ERCC6: variants seen among roughly 807,000 people sequenced by gnomAD.
ERCC6 encodes the protein ERCC excision repair 6, chromatin remodeling factor.
Under a neutral mutation model 158.7 loss-of-function variants are expected in ERCC6, and 116 were observed. That is an observed-to-expected ratio of 0.73 (90% CI 0.63 to 0.85). The LOEUF (loss-of-function observed/expected upper bound fraction) is 0.85, where lower values mean the gene tolerates loss of function less well. ERCC6 is among the 40% of genes least tolerant of loss of function. ERCC6 has a pLI of 0.00. For synonymous variants in ERCC6, 678 were observed against 659.3 expected (o/e 1.03, Z -0.43); for missense variants, 1,698 against 1,799.4 (o/e 0.94, Z 1.02).
chr10:49,499,390 A>G (rs1321508577), intron 7 of ERCC6, among the ~76,000 whole-genome samples: 2 of 152,214 alleles, frequency 1.3e-5, no homozygotes, highest in Admixed American at 6.5e-5. Context: ...CTAAAGAAAC[A>G]TGATCTTGAC....
At chr10:49,520,614 C>T (rs1837130213) in intron 5 of ERCC6, among the ~76,000 whole-genome samples, 1 of 152,110 alleles carries the variant, frequency 6.6e-6, no homozygotes, top group African/African-American at 2.4e-5. Flanking sequence ...CTGGCAAATA[C>T]CTAGCATGAA....
At chr10:49,510,734 C>A (rs1344258855) in intron 5 of ERCC6, among the ~76,000 whole-genome samples, 1 of 152,114 alleles carries the variant, frequency 6.6e-6, no homozygotes, top group Non-Finnish European at 1.5e-5. Flanking sequence ...GAATGAAGTT[C>A]ATAATTCGGT....
chr10:49,444,122 C>T, the ERCC6 span, among the ~76,000 whole-genome samples: 4 of 152,218 alleles, frequency 2.6e-5, no homozygotes, highest in African/African-American at 7.2e-5. Flanking sequence ...AGGATTAGGT[C>T]CTCCTTCCCC....
intron 18 of ERCC6, among the ~76,000 whole-genome samples, chr10:49,465,834 T>G (rs538764050): frequency 2.2e-4 from 33 of 152,318 alleles, no homozygotes; most frequent in Admixed American, 1.0e-3. Context: ...ACCTCTTTCT[T>G]TTGTAAATTG....
At chr10:49,529,824 G>C (rs1041888082) in intron 3 of ERCC6, among the ~76,000 whole-genome samples, 46 of 152,220 alleles carry the variant, frequency 3.0e-4, no homozygotes, top group African/African-American at 1.1e-3. Flanking sequence ...TTTTCACAAA[G>C]GGGTACATAA....
chr10:49,471,940 C>T (rs553300565), intron 16 of ERCC6, among the ~76,000 whole-genome samples: 1 of 152,322 alleles, frequency 6.6e-6, no homozygotes, highest in African/African-American at 2.4e-5. Context: ...GCCATCCTGT[C>T]GACTTCTTTG....
chr10:49,459,331 G>C, intron 20 of ERCC6, 97 bp from the exon 21 acceptor site: 1 of 1,348,030 alleles, frequency 7.4e-7, no homozygotes, highest in Non-Finnish European at 1.0e-6. Context: ...GACAACACAT[G>C]TGCCAGGGTG....
intron 5 of ERCC6, among the ~76,000 whole-genome samples, chr10:49,513,797 A>C (rs760427504): frequency 1.7e-4 from 26 of 152,084 alleles, no homozygotes; most frequent in Non-Finnish European, 3.4e-4. Flanking sequence ...TCAAGATGAG[A>C]TTTGGGTGGG....
intron 18 of ERCC6, among the ~76,000 whole-genome samples, chr10:49,464,795 A>G (rs931510839): frequency 1.3e-5 from 2 of 152,252 alleles, no homozygotes; most frequent in African/African-American, 4.8e-5. Flanking sequence ...GAGGGTGCAC[A>G]GAAGTCAATA....
chr10:49,440,337 C>G, the ERCC6 span, among the ~76,000 whole-genome samples: 1 of 152,146 alleles, frequency 6.6e-6, no homozygotes, highest in South Asian at 2.1e-4. Flanking sequence ...CCTGATAAAC[C>G]CATCAGATCT....
At chr10:49,435,507 C>G in the ERCC6 span, among the ~76,000 whole-genome samples, 1 of 152,236 alleles carries the variant, frequency 6.6e-6, no homozygotes, top group Non-Finnish European at 1.5e-5. Context: ...CACTAAAAAT[C>G]AATTACAGAA....
chr10:49,479,411 T>C (rs944351540), intron 10 of ERCC6, among the ~76,000 whole-genome samples: 18 of 152,172 alleles, frequency 1.2e-4, no homozygotes, highest in African/African-American at 4.3e-4. Flanking sequence ...TATGTATGTG[T>C]GTGTATCTGT....
chr10:49,437,377 C>T, the ERCC6 span, among the ~76,000 whole-genome samples: 9 of 152,142 alleles, frequency 5.9e-5, no homozygotes, highest in Admixed American at 5.9e-4. Context: ...ACTTTAAAAA[C>T]AAAGTCTCAG....
At chr10:49,492,943 A>G (rs1013069806) in intron 8 of ERCC6, among the ~76,000 whole-genome samples, 174 bp downstream of exon 8, 2 of 152,234 alleles carry the variant, frequency 1.3e-5, no homozygotes, top group African/African-American at 4.8e-5. Context: ...TATATTCATA[A>G]CTGTTCTGAA....
intron 18 of ERCC6, among the ~76,000 whole-genome samples, chr10:49,469,172 T>C (rs941115474): frequency 3.9e-5 from 6 of 152,220 alleles, no homozygotes; most frequent in Admixed American, 6.5e-5. Flanking sequence ...AGAAACAGGA[T>C]ATTTACACAG....
At chr10:49,512,585 G>C (rs1470618957) in intron 5 of ERCC6, among the ~76,000 whole-genome samples, 1 of 152,172 alleles carries the variant, frequency 6.6e-6, no homozygotes, top group Non-Finnish European at 1.5e-5. Flanking sequence ...GTTTGTAACA[G>C]CTAATGATTT....
chr10:49,452,497 T>C (rs532193297), downstream of ERCC6, among the ~76,000 whole-genome samples: 67 of 152,282 alleles, frequency 4.4e-4, 1 homozygote, highest in Middle Eastern at 3.4e-3. Context: ...TTTCATGGTC[T>C]AGCATAAGGC....
intron 5 of ERCC6, among the ~76,000 whole-genome samples, chr10:49,519,770 C>T (rs545559453): frequency 2.6e-5 from 4 of 152,332 alleles, no homozygotes; most frequent in African/African-American, 9.6e-5. Flanking sequence ...CAAAGCTCTC[C>T]TAAATGAGAA....
intron 12 of ERCC6, 93 bp from the exon 13 acceptor site, chr10:49,474,335 A>G (rs1299791686): frequency 8.6e-6 from 8 of 932,958 alleles, no homozygotes; most frequent in African/African-American, 3.3e-5. Flanking sequence ...AACACAGACT[A>G]AAAAACAGTT....
Sources: allele counts gnomAD v4.1 joint callset (sites outside exome capture counted in the v4.1 genomes callset), GRCh38; gene constraint gnomAD v4.1.1; transcripts MANE v1.5; gene names NCBI Gene and HGNC (gene_info 2026-07-23, HGNC 2026-07-21).